The following PER3 variants were observed in gnomAD, a reference collection of about 807,000 sequenced individuals.
PER3 encodes period circadian regulator 3, also known as period circadian protein homolog 3.
In PER3, 107 loss-of-function variants were observed where a neutral mutation model predicts 127.2. The ratio of observed to expected loss-of-function variants is 0.84; its 90% CI spans 0.72 to 0.99. PER3 has a LOEUF of 0.99. Among genes scored for constraint, PER3 ranks in the 50% least tolerant of loss-of-function variants. The pLI is 0.00. For synonymous variants in PER3, 618 were observed against 585.8 expected, an observed-to-expected ratio of 1.05 and a Z score of -0.79; for missense variants, 1,560 against 1,525.8, an observed-to-expected ratio of 1.02 and a Z score of -0.37.
rs994748578 is a variant in PER3 at position 7,787,892 on chromosome 1, G to A, written c.391-153G>A. 9.5e-6 allele frequency: 6 copies of A among 628,458 alleles called. No homozygotes were observed. In the African/African-American group the frequency reaches 1.1e-4, roughly 12 times the overall value. The allele number at this position is 628,458 out of a possible 1,614,324, so 38.9% of individuals were successfully genotyped here. A position where few individuals can be genotyped will look rare whatever the true frequency, so the allele number is the denominator to read the frequency against. On this transcript the variant is annotated intron_variant, in intron 4 of 21. Coordinates refer to ENST00000377532, the MANE Select transcript of PER3 (RefSeq NM_001377275.1). ...GAGAAGATTTAAGAAGCATGTTGGA[G>A]AAAATTATTTGAGGAGTTTTGTTGC...
rs894210571 is a variant in PER3, at chr1:7,827,011, T to G, written c.2189-107T>G. ...GCCACTTTTTGTCATTCTGGTAGTATTGGCAAATGCTCATTCGTCAGCTAC... is the reference window on the plus strand; with the variant it reads ...GCCACTTTTTGTCATTCTGGTAGTAGTGGCAAATGCTCATTCGTCAGCTAC... On this transcript the variant is annotated intron_variant, in intron 17 of 21. Transcript: ENST00000377532. The G allele has an allele frequency of 3.6e-6, 3 of 842,194 alleles. No homozygotes were observed. In the East Asian group the frequency reaches 8.1e-5, roughly 23 times the overall value. The allele number at this position is 842,194 out of a possible 1,614,324, so 52.2% of individuals were successfully genotyped here. A position where few individuals can be genotyped will look rare whatever the true frequency, so the allele number is the denominator to read the frequency against.
At chr1:7,837,227 C>T in intron 21 of PER3, 78 bp downstream of exon 21, 1 of 1,214,052 alleles carries the variant, frequency 8.2e-7, no homozygotes, top group Middle Eastern at 2.7e-4. Flanking sequence ...CGTGTTCTTG[C>T]ATGATCCCAC....
At chr1:7,790,607 C>G (rs187442635) in intron 5 of PER3, among the ~76,000 whole-genome samples, 1 of 152,298 alleles carries the variant, frequency 6.6e-6, no homozygotes, top group African/African-American at 2.4e-5. Context: ...TCATGCTTTT[C>G]CAACAGTCCC....
At chr1:7,829,217 C>A (rs886306756) in intron 18 of PER3, among the ~76,000 whole-genome samples, 1 of 152,126 alleles carries the variant, frequency 6.6e-6, no homozygotes, top group African/African-American at 2.4e-5. Flanking sequence ...TTTTCCTAAA[C>A]ATACTATACA....
chr1:7,828,386 C>T (rs1017454413), intron 18 of PER3, among the ~76,000 whole-genome samples: 1 of 152,104 alleles, frequency 6.6e-6, no homozygotes, highest in African/African-American at 2.4e-5. Context: ...AACTTTTCAT[C>T]CCTTTACCTA....
chr1:7,801,834 C>G (rs1418547609), intron 8 of PER3, among the ~76,000 whole-genome samples: 1 of 151,986 alleles, frequency 6.6e-6, no homozygotes, highest in Non-Finnish European at 1.5e-5. Context: ...ATTTTTTCCC[C>G]ACATTTATTT....
chr1:7,800,841 A>AAAAG (rs1553306864), intron 7 of PER3, among the ~76,000 whole-genome samples: 1 of 148,764 alleles, frequency 6.7e-6, no homozygotes. Context: ...AAAAAAAAAA[A>AAAAG]AGAGAGAAAA....
chr1:7,797,673 G>C (rs1164487615), intron 6 of PER3, among the ~76,000 whole-genome samples: 1 of 151,794 alleles, frequency 6.6e-6, no homozygotes, highest in Non-Finnish European at 1.5e-5. Flanking sequence ...TGAGGTGGAA[G>C]TAGGAACAGA....
Position 7,788,733 on chromosome 1 carries a change from ATC to A in PER3, c.592+489_592+490del, listed in dbSNP as rs1304061131. Among the ~76,000 whole-genome samples the A allele has an allele frequency of 3.3e-5, 5 of 152,042 alleles. No homozygotes were observed. In the East Asian group the frequency reaches 9.7e-4, roughly 29 times the overall value. ...AGCCTGGCCAACATGGTAAAACCCC[ATC>A]TGTACTAAAAGTACAAAAATTAGTC... On this transcript the variant is annotated intron_variant, in intron 5 of 21. Coordinates refer to ENST00000377532, the MANE Select transcript of PER3 (RefSeq NM_001377275.1).
chr1:7,789,133 G>A (rs947046904), intron 5 of PER3, among the ~76,000 whole-genome samples: 1 of 90,884 alleles, frequency 1.1e-5, no homozygotes, highest in Non-Finnish European at 2.2e-5. Flanking sequence ...CTCTTAAAGA[G>A]CTTTAAAATA....
At chr1:7,816,144 TAAGCTTCCTCCTTA>T (rs1265817806) in intron 13 of PER3, among the ~76,000 whole-genome samples, 1 of 151,966 alleles carries the variant, frequency 6.6e-6, no homozygotes. Flanking sequence ...CTCAGTAATC[TAAGCTTCCTCCTTA>T]AAAATAAGAG....
At chr1:7,788,476 A>C (rs777448519) in intron 5 of PER3, 11 of 523,940 alleles carry the variant, frequency 2.1e-5, no homozygotes, top group Non-Finnish European at 3.4e-5. Context: ...GATATGTCAT[A>C]AATATTATTT....
chr1:7,815,652 C>T (rs536514309), intron 13 of PER3, among the ~76,000 whole-genome samples: 1 of 152,164 alleles, frequency 6.6e-6, no homozygotes, highest in Non-Finnish European at 1.5e-5. Flanking sequence ...TTCATACTTA[C>T]AAATAATCCA....
chr1:7,787,141 T>G, intron 4 of PER3: 1 of 368,296 alleles, frequency 2.7e-6, no homozygotes, highest in Non-Finnish European at 4.3e-6. Flanking sequence ...TGCAGAGTAA[T>G]TTCCTGCACC....
At position 7,786,658 on chromosome 1, in the gene PER3, G is replaced by A. The variant is rs149668484; in HGVS notation, c.275-63G>A. On this transcript the variant is annotated intron_variant, in intron 3 of 21. Coordinates refer to ENST00000377532, the MANE Select transcript of PER3 (RefSeq NM_001377275.1). ...AAAAATAATCCAGCTTGATAGTGAT[G>A]AAATGGTTTCCTAAAGATACTGTTG... 779 of 858,414 alleles carry A rather than the reference G, an allele frequency of 9.1e-4. 8 individuals carry two copies. In the African/African-American group the frequency reaches 0.011, roughly 13 times the overall value. 53.2% of individuals were successfully genotyped at this position (858,414 alleles called of 1,614,324 possible).
At position 7,820,636 on chromosome 1, in the gene PER3, G is replaced by C; in HGVS notation, c.1953G>C (p.Glu651Asp). The change falls in exon 16 of 22, where the codon GAG becomes GAC. Residue 651 changes from glutamate (E) to aspartate (D), a missense_variant. This residue lies in a region of PER3 where 1,332 missense variants were observed against 1,223.6 expected (regional missense o/e 1.09). Transcript: ENST00000377532. Reference protein sequence around the residue: ...SSTIVHVPPPETARDATLFCE... With the variant: ...SSTIVHVPPPDTARDATLFCE... ...CCATTGTCCATGTCCCACCCCCAGA[G>C]ACAGGTACCACACTCGCCTCTTACT... 1.2e-6 allele frequency: 2 copies of C among 1,608,972 alleles called. No homozygotes were observed. The highest frequency in any genetic ancestry group is 1.7e-6 in the Non-Finnish European group (2 of 1,177,422).
Position 7,844,722 on chromosome 1 carries a change from C to A in PER3, c.*1967C>A, listed in dbSNP as rs1467750032. ...CTGTCAGAGCATGAGGAGCGCTCCT[C>A]CTGTGGGTGGACGCATTCACGCACT... is the stretch of plus-strand genomic sequence containing the variant. On this transcript the variant is annotated 3_prime_UTR_variant, in exon 22 of 22. Coordinates refer to ENST00000377532, the MANE Select transcript of PER3 (RefSeq NM_001377275.1). 6.5e-6 allele frequency: 1 copy of A among 152,788 alleles called. No individual in the cohort carries two copies. The highest frequency in any genetic ancestry group is 2.4e-5 in the African/African-American group (1 of 41,466). The allele number at this position is 152,788 out of a possible 1,614,324, so 9.5% of individuals were successfully genotyped here.
chr1:7,836,966 A>G (rs1402441664), intron 20 of PER3, 33 bp from the exon 21 acceptor site: 1 of 1,574,412 alleles, frequency 6.4e-7, no homozygotes, highest in Non-Finnish European at 8.7e-7. Flanking sequence ...TGTCTTATTC[A>G]GGACTATTAA....
intron 19 of PER3, among the ~76,000 whole-genome samples, chr1:7,830,674 A>G (rs1361378131): frequency 1.3e-5 from 2 of 152,224 alleles, no homozygotes; most frequent in African/African-American, 2.4e-5. Context: ...GGAAGGGTCA[A>G]TATACTTTCT....
Sources: allele counts gnomAD v4.1 joint callset (sites outside exome capture counted in the v4.1 genomes callset), GRCh38; gene constraint gnomAD v4.1.1; regional missense constraint gnomAD v4.1.1; transcripts MANE v1.5; gene names NCBI Gene and HGNC (gene_info 2026-07-23, HGNC 2026-07-21).